The following TMEM217 variants were observed in gnomAD, a reference collection of about 807,000 sequenced individuals.
TMEM217 encodes the protein chromosome 6 open reading frame 128.
For missense variants in TMEM217, 204 were observed against 248.8 expected, an observed-to-expected ratio of 0.82 and a Z score of 1.21; for synonymous variants, 76 against 88.3, an observed-to-expected ratio of 0.86 and a Z score of 0.78.
intron 1 of TMEM217, among the ~76,000 whole-genome samples, chr6:37,241,443 C>T (rs1764761774): frequency 6.6e-6 from 1 of 152,104 alleles, no homozygotes; most frequent in Admixed American, 6.6e-5. Context: ...GGGGACTGGA[C>T]CCTGAGCACT....
In TMEM217 at chr6:37,227,820, T is replaced by C. The variant is rs569159134; in HGVS notation, c.-11-8779A>G. Among the ~76,000 whole-genome samples, 7 of 152,098 alleles carry C rather than the reference T, an allele frequency of 4.6e-5. No individual in the cohort carries two copies. In the South Asian group the frequency reaches 1.5e-3, roughly 32 times the overall value. ...ATCTGACTTACATGCTTACGTGAAG[T>C]AAATATTTTAATTTGCAAAATTAAA... On this transcript the variant is annotated intron_variant, in intron 1 of 1. Transcript: ENST00000357219.
chr6:37,217,660 A>G (rs1763286123), exon 2 of TMEM217: 2 of 985,212 alleles, frequency 2.0e-6, no homozygotes, highest in African/African-American at 1.7e-5. Flanking sequence ...CTCTATTTTT[A>G]TTCTTTTTCT....
chr6:37,246,107 G>C (rs1765066000), intron 1 of TMEM217, among the ~76,000 whole-genome samples: 1 of 152,062 alleles, frequency 6.6e-6, no homozygotes, highest in African/African-American at 2.4e-5. Context: ...CGGCCAACAG[G>C]CTCTCATTTT....
At chr6:37,223,231 GA>G (rs144129293) in intron 1 of TMEM217, among the ~76,000 whole-genome samples, 5 of 148,614 alleles carry the variant, frequency 3.4e-5, no homozygotes, top group East Asian at 2.0e-4. Flanking sequence ...TTGCACAACT[GA>G]AAAAAAAACA....
chr6:37,212,497 C>T (rs1266838273), exon 4 of TMEM217: 3 of 456,464 alleles, frequency 6.6e-6, no homozygotes, highest in African/African-American at 2.0e-5. Flanking sequence ...CCTGTGGCGG[C>T]GTTTCCTGCC....
At chr6:37,235,743 C>T (rs1029043204) in intron 1 of TMEM217, among the ~76,000 whole-genome samples, 6 of 152,162 alleles carry the variant, frequency 3.9e-5, no homozygotes, top group African/African-American at 1.4e-4. Context: ...GAGGACTGCT[C>T]TCTGCTTCCA....
intron 1 of TMEM217, among the ~76,000 whole-genome samples, chr6:37,249,865 T>C (rs73417893): frequency 0.032 from 4,864 of 152,322 alleles, 247 homozygotes; most frequent in African/African-American, 0.11. Flanking sequence ...GTTGAACTTA[T>C]GCATACACTC....
exon 4 of TMEM217, chr6:37,212,348 AG>A: frequency 2.8e-6 from 1 of 358,606 alleles, no homozygotes; most frequent in East Asian, 7.4e-5. Context: ...GAAGACAGGC[AG>A]GGTAGGGAGG....
At chr6:37,234,102 C>CT (rs70977637) in intron 1 of TMEM217, among the ~76,000 whole-genome samples, 52 of 127,756 alleles carry the variant, frequency 4.1e-4, no homozygotes, top group South Asian at 7.9e-4. Flanking sequence ...TATTAAATGC[C>CT]TTTTTTTTTT....
At chr6:37,252,042 C>T (rs1024096601) in intron 1 of TMEM217, among the ~76,000 whole-genome samples, 2 of 152,010 alleles carry the variant, frequency 1.3e-5, no homozygotes, top group Non-Finnish European at 2.9e-5. Flanking sequence ...TACAGGCATG[C>T]GCCACCATGC....
Position 37,255,756 on chromosome 6 carries a change from G to A in TMEM217, c.-12+1812C>T, listed in dbSNP as rs145564701. Among the ~76,000 whole-genome samples, 752 of 152,236 alleles carry A rather than the reference G, an allele frequency of 4.9e-3. 3 individuals are homozygous for A. Among genetic ancestry groups the A allele is most frequent in the Non-Finnish European group, 7.5e-3 (513 of 68,016 alleles). ...CTAAGGGGCTAAGAGTGGAAGCAGGGAGCCGAATAGCAGGCTGCTGTAAGC... is the reference window on the plus strand; with the variant it reads ...CTAAGGGGCTAAGAGTGGAAGCAGGAAGCCGAATAGCAGGCTGCTGTAAGC... On this transcript the variant is annotated intron_variant, in intron 1 of 1. Transcript: ENST00000357219.
At chr6:37,220,076 C>T (rs1283952274) in intron 1 of TMEM217, among the ~76,000 whole-genome samples, 1 of 151,978 alleles carries the variant, frequency 6.6e-6, no homozygotes, top group Non-Finnish European at 1.5e-5. Context: ...AAAATAAGAA[C>T]TATACAAAAG....
downstream of TMEM217, chr6:37,215,353 G>T (rs1763127032): frequency 1.3e-6 from 2 of 1,532,620 alleles, no homozygotes; most frequent in South Asian, 1.2e-5. Flanking sequence ...GAGGCAGGCG[G>T]ATCACGAGGT....
chr6:37,214,786 G>A (rs1763094510), downstream of TMEM217, among the ~76,000 whole-genome samples: 1 of 152,146 alleles, frequency 6.6e-6, no homozygotes, highest in African/African-American at 2.4e-5. Context: ...AACCCTGTGT[G>A]ACTCCAGATA....
At chr6:37,231,728 T>A (rs918575570) in intron 1 of TMEM217, among the ~76,000 whole-genome samples, 4 of 147,548 alleles carry the variant, frequency 2.7e-5, no homozygotes, top group South Asian at 2.1e-4. Flanking sequence ...GTTTTATCTT[T>A]TATATATATA....
downstream of TMEM217, among the ~76,000 whole-genome samples, chr6:37,217,426 T>C (rs1763269469): frequency 1.3e-5 from 2 of 152,234 alleles, no homozygotes; most frequent in Admixed American, 6.5e-5. Context: ...ATTTACTTTC[T>C]TCCACTAAAC....
At chr6:37,218,342 A>AT (rs954517522) in exon 2 of TMEM217, 46 of 1,252,918 alleles carry the variant, frequency 3.7e-5, no homozygotes, top group East Asian at 9.9e-5. Flanking sequence ...CTAATTTTCT[A>AT]TTTTTTTTAG....
At chr6:37,248,070 T>C (rs1202789063) in intron 1 of TMEM217, among the ~76,000 whole-genome samples, 1 of 152,172 alleles carries the variant, frequency 6.6e-6, no homozygotes, top group Non-Finnish European at 1.5e-5. Flanking sequence ...TCCCTGCCTC[T>C]TTACCTAGTA....
At chr6:37,246,499 C>T (rs1307911229) in intron 1 of TMEM217, among the ~76,000 whole-genome samples, 1 of 152,160 alleles carries the variant, frequency 6.6e-6, no homozygotes, top group Non-Finnish European at 1.5e-5. Flanking sequence ...TACTCTCATG[C>T]ACTGCAAGAG....
Sources: gnomAD v4.1 joint callset for allele counts (sites outside exome capture counted in the v4.1 genomes callset) on GRCh38, gnomAD v4.1.1 for gene constraint, MANE v1.5 for transcripts, NCBI Gene and HGNC (gene_info 2026-07-23, HGNC 2026-07-21) for gene names.